SMC4: variants seen among roughly 807,000 people sequenced by gnomAD.
The protein encoded by SMC4 is structural maintenance of chromosomes 4.
In SMC4, 87 loss-of-function variants were observed where a neutral mutation model predicts 145.6. The ratio of observed to expected loss-of-function variants is 0.60; its 90% confidence interval spans 0.50 to 0.71. SMC4 has a LOEUF of 0.71. SMC4 is among the 30% of genes least tolerant of loss of function. SMC4 has a pLI of 0.00. For synonymous variants in SMC4, 558 were observed against 500.7 expected, an observed-to-expected ratio of 1.11 and a Z score of -1.53; for missense variants, 1,447 against 1,537.1, an observed-to-expected ratio of 0.94 and a Z score of 0.98.
rs367933716 is a variant in SMC4 at position 160,433,673 on chromosome 3, C to T, written c.3731C>T (p.Ala1244Val). 6.4e-7 allele frequency: 1 copy of T among 1,551,798 alleles called. No individual in the cohort carries two copies. Among genetic ancestry groups the T allele is most frequent in the East Asian group, 2.3e-5 (1 of 43,248 alleles). The change falls in exon 24 of 24, where the codon GCA becomes GTA. Residue 1244 changes from alanine (A) to valine (V), a missense_variant. By Grantham distance (64) the Ala-to-Val change is moderately conservative. Transcript: ENST00000357388. ...TCTCTTTAGGAACAAACAAAAAATG[C>T]ACAGTTCATAATAATTTCTCTTCGA... ...AFYIYEQTKN[A>V]QFIIISLRNN...
Position 160,434,047 on chromosome 3 carries a change from G to T in SMC4, c.*238G>T. 1 of 325,988 alleles carries T rather than the reference G, an allele frequency of 3.1e-6. No homozygotes were observed. The highest frequency in any genetic ancestry group is 5.6e-6 in the Non-Finnish European group (1 of 179,974). 20.2% of individuals were successfully genotyped at this position (325,988 alleles called of 1,614,324 possible). The stretch of plus-strand genomic sequence containing the variant: ...TATGGAGAAAAATGAGTTACCTGGA[G>T]GGTCAGGTAACTTGCCAAACTAAAA... On this transcript the variant is annotated 3_prime_UTR_variant, in exon 24 of 24. Coordinates refer to ENST00000357388, the MANE Select transcript of SMC4 (RefSeq NM_001002800.3).
rs756701127 is a variant in SMC4, at chr3:160,424,945, G to A, written c.2404G>A (p.Glu802Lys). Reference sequence around the variant, plus strand: ...CCAAGAACAGAAAGTACAACTTGAAGAAAGAGTAGTTAAGTTACGGCATAG... The same window carrying A: ...CCAAGAACAGAAAGTACAACTTGAAAAAAGAGTAGTTAAGTTACGGCATAG... Reference protein sequence around the residue: ...QIQEQKVQLEERVVKLRHSER... With the variant: ...QIQEQKVQLEKRVVKLRHSER... The change falls in exon 16 of 24, where the codon GAA (glutamate) becomes AAA (lysine). Residue 802 changes from glutamate (E) to lysine (K), a missense_variant. Transcript: ENST00000357388. The A allele has an allele frequency of 3.2e-5, 52 of 1,613,782 alleles. No homozygotes were observed. The highest frequency in any genetic ancestry group is 4.2e-5 in the Non-Finnish European group (49 of 1,180,000).
In SMC4 at chr3:160,414,505, A is replaced by G; in HGVS notation, c.1260A>G (p.Lys420=). ...AAAAACTGGAGAAACAACTTCAAAA[A>G]GATAAAGAAAAGGTAGGTGTTAGAA... is the stretch of plus-strand genomic sequence containing the variant. The part of the protein sequence containing the change: ...KAKKLEKQLQ[K]DKEKVEEFKS... Residue 420 remains lysine, a synonymous_variant, in exon 9 of 24, where the codon AAA becomes AAG. Transcript: ENST00000357388. The G allele has an allele frequency of 6.2e-7, 1 of 1,610,768 alleles. No homozygotes were observed. The highest frequency in any genetic ancestry group is 8.5e-7 in the Non-Finnish European group (1 of 1,179,028).
chr3:160,420,242 G>C (rs1717023832), intron 12 of SMC4, among the ~76,000 whole-genome samples: 3 of 152,188 alleles, frequency 2.0e-5, no homozygotes, highest in African/African-American at 7.2e-5. Flanking sequence ...GCCTTTCGGA[G>C]AAGGGAACAA....
In SMC4 at chr3:160,400,930, C is replaced by G. The variant is rs1466660440; in HGVS notation, c.104C>G (p.Pro35Arg). 6.8e-7 allele frequency: 1 copy of G among 1,469,858 alleles called. No individual in the cohort carries two copies. The highest frequency in any genetic ancestry group is 8.9e-7 in the Non-Finnish European group (1 of 1,120,730). 91.1% of individuals were successfully genotyped at this position (1,469,858 alleles called of 1,614,324 possible). The change falls in exon 2 of 24, where the codon CCG becomes CGG. Residue 35 changes from proline to arginine, a missense_variant. Coordinates refer to ENST00000357388, the MANE Select transcript of SMC4 (RefSeq NM_001002800.3). Reference sequence around the variant, plus strand: ...AGCAGCGACGCGGAGCCTGAGCCGCCGTCCGGCCGCACGGAGAGCCCAGCC... The same window carrying G: ...AGCAGCGACGCGGAGCCTGAGCCGCGGTCCGGCCGCACGGAGAGCCCAGCC... ...GASSDAEPEP[P>R]SGRTESPATA...
intron 17 of SMC4, among the ~76,000 whole-genome samples, chr3:160,427,958 C>T (rs1272817592): frequency 6.7e-6 from 1 of 150,018 alleles, no homozygotes; most frequent in African/African-American, 2.5e-5. Flanking sequence ...CACAAACACA[C>T]ACACACGCCG....
intron 2 of SMC4, among the ~76,000 whole-genome samples, 164 bp downstream of exon 2, chr3:160,401,129 G>A (rs1714577671): frequency 6.6e-6 from 1 of 152,114 alleles, no homozygotes; most frequent in Admixed American, 6.5e-5. Context: ...CTTTGAGATA[G>A]GATTCCCGTG....
At position 160,434,036 on chromosome 3, in the gene SMC4, A is replaced by C. The variant is rs2108509797; in HGVS notation, c.*227A>C. The C allele has an allele frequency of 8.7e-6, 3 of 345,088 alleles. No individual in the cohort carries two copies. The East Asian group carries it at 1.8e-4, about 21-fold the overall frequency. 21.4% of individuals were successfully genotyped at this position (345,088 alleles called of 1,614,324 possible). A position where few individuals can be genotyped will look rare whatever the true frequency, so the allele number is the denominator to read the frequency against. ...AAGTAGCAGACTATGGAGAAAAATG[A>C]GTTACCTGGAGGGTCAGGTAACTTG... On this transcript the variant is annotated 3_prime_UTR_variant, in exon 24 of 24. Transcript: ENST00000357388.
At position 160,414,351 on chromosome 3, in the gene SMC4, A is replaced by G; in HGVS notation, c.1122-16A>G. 2 of 1,576,378 alleles carry G rather than the reference A, an allele frequency of 1.3e-6. No homozygotes were observed. Among genetic ancestry groups the G allele is most frequent in the Non-Finnish European group, 8.7e-7 (1 of 1,147,618 alleles). ...CACATTCAAAATAATGACTTACAAT[A>G]TACTTGCTTTGCTAGGAAACTGAAT... On this transcript the variant is annotated splice_polypyrimidine_tract_variant and intron_variant, in intron 8 of 23. Transcript: ENST00000357388.
In SMC4 at chr3:160,400,899, G is replaced by A. The variant is rs994159463; in HGVS notation, c.73G>A (p.Gly25Ser). 3 of 1,501,646 alleles carry A rather than the reference G, an allele frequency of 2.0e-6. No individual in the cohort carries two copies. The highest frequency in any genetic ancestry group is 2.6e-6 in the Non-Finnish European group (3 of 1,134,372). The allele number at this position is 1,501,646 out of a possible 1,614,324, so 93.0% of individuals were successfully genotyped here. ...AGGGCCGCCGCCGCCGTCCCCTGACGGCGCCAGCAGCGACGCGGAGCCTGA... is the reference window on the plus strand; with the variant it reads ...AGGGCCGCCGCCGCCGTCCCCTGACAGCGCCAGCAGCGACGCGGAGCCTGA... ...EEGPPPPSPD[G>S]ASSDAEPEPP... Residue 25 changes from glycine to serine, a missense_variant, in exon 2 of 24, where the codon GGC becomes AGC. By Grantham distance (56) the Gly-to-Ser change is moderately conservative (BLOSUM62 0). Transcript: ENST00000357388.
rs1428448791 is a variant in SMC4, at chr3:160,433,002, C to T, written c.3531-24C>T. ...AACTTTAGCTTTACAGGTAATTTGACTATGATTTTCTTAATCATTTCAGTG... is the reference window on the plus strand; with the variant it reads ...AACTTTAGCTTTACAGGTAATTTGATTATGATTTTCTTAATCATTTCAGTG... On this transcript the variant is annotated intron_variant, in intron 22 of 23. Coordinates refer to ENST00000357388, the MANE Select transcript of SMC4 (RefSeq NM_001002800.3). 1.4e-5 allele frequency: 22 copies of T among 1,550,352 alleles called. No individual in the cohort carries two copies. In the South Asian group the frequency reaches 2.5e-4, roughly 17 times the overall value.
At chr3:160,403,848 A>T (rs1474468039) in intron 4 of SMC4, 2 of 152,226 alleles carry the variant, frequency 1.3e-5, no homozygotes, top group Non-Finnish European at 2.9e-5. Context: ...TTTCTTTGTG[A>T]TTCTTTTTAC....
At chr3:160,423,126 C>A (rs1477745598) in intron 13 of SMC4, among the ~76,000 whole-genome samples, 1 of 152,060 alleles carries the variant, frequency 6.6e-6, no homozygotes, top group East Asian at 1.9e-4. Flanking sequence ...GTATATATGA[C>A]TTTTAAGATC....
At chr3:160,417,434 C>T (rs969760632) in intron 10 of SMC4, among the ~76,000 whole-genome samples, 1 of 152,106 alleles carries the variant, frequency 6.6e-6, no homozygotes, top group African/African-American at 2.4e-5. Flanking sequence ...TACTCATGTG[C>T]CCTGCACCCC....
intron 18 of SMC4, among the ~76,000 whole-genome samples, chr3:160,429,711 GTTTT>G (rs1194382144): frequency 1.6e-5 from 2 of 127,676 alleles, no homozygotes; most frequent in Non-Finnish European, 3.4e-5. Flanking sequence ...ATCTACTTAG[GTTTT>G]TTTTTTTTTT....
intron 5 of SMC4, among the ~76,000 whole-genome samples, chr3:160,410,789 C>G (rs561351942): frequency 1.0e-3 from 154 of 152,178 alleles, no homozygotes; most frequent in African/African-American, 3.7e-3. Flanking sequence ...GTAAGTTTTA[C>G]CCCACATTTT....
chr3:160,434,695 T>C lies in SMC4; in HGVS notation c.*886T>C, dbSNP rs1718798205. On this transcript the variant is annotated 3_prime_UTR_variant, in exon 24 of 24. Transcript: ENST00000357388. ...TATTTTTACACTATTGGCTCAAGAA[T>C]GTTATAATGCTAAGGGACATAAGTT... 6.6e-6 allele frequency: 1 copy of C among 152,242 alleles called. No homozygotes were observed. The highest frequency in any genetic ancestry group is 2.1e-4 in the South Asian group (1 of 4,832). The allele number at this position is 152,242 out of a possible 1,614,324, so 9.4% of individuals were successfully genotyped here. A position where few individuals can be genotyped will look rare whatever the true frequency, so the allele number is the denominator to read the frequency against.
chr3:160,404,220 A>T lies in SMC4; in HGVS notation c.511-108A>T. The T allele has an allele frequency of 1.2e-5, 12 of 966,016 alleles. No individual in the cohort carries two copies. The South Asian group carries it at 1.8e-4, about 14-fold the overall frequency. 59.8% of individuals were successfully genotyped at this position (966,016 alleles called of 1,614,324 possible). A position where few individuals can be genotyped will look rare whatever the true frequency, so the allele number is the denominator to read the frequency against. On this transcript the variant is annotated intron_variant, in intron 4 of 23. Coordinates refer to ENST00000357388, the MANE Select transcript of SMC4 (RefSeq NM_001002800.3). ...GCAGTTTGTGTGCATGTTCAATTGA[A>T]GTTTTTAATCCATAGAATTAGTTTC... is the stretch of plus-strand genomic sequence containing the variant.
At chr3:160,405,180 T>G (rs1277170916) in intron 5 of SMC4, among the ~76,000 whole-genome samples, 1 of 152,042 alleles carries the variant, frequency 6.6e-6, no homozygotes, top group Non-Finnish European at 1.5e-5. Context: ...TAAAGAGATG[T>G]AAAAATTAAG....
Sources: allele counts gnomAD v4.1 joint callset (sites outside exome capture counted in the v4.1 genomes callset), GRCh38; gene constraint gnomAD v4.1.1; transcripts MANE v1.5; gene names NCBI Gene and HGNC (gene_info 2026-07-23, HGNC 2026-07-21).